Variants in MS4A6E observed in about 807,000 individuals in gnomAD.
MS4A6E encodes the protein membrane spanning 4-domains A6E, also known as membrane-spanning 4-domains subfamily A member 6E.
In MS4A6E, 8 loss-of-function variants were observed where a neutral mutation model predicts 13.2. The ratio of observed to expected loss-of-function variants is 0.60; its 90% confidence interval spans 0.35 to 1.09. The LOEUF is 1.09. MS4A6E is among the 50% of genes least tolerant of loss of function. The pLI, the probability that MS4A6E is intolerant of heterozygous loss-of-function variation, is 0.02. For synonymous variants in MS4A6E, 72 were observed against 67.6 expected, an observed-to-expected ratio of 1.06 and a Z score of -0.32; for missense variants, 177 against 171.1, an observed-to-expected ratio of 1.03 and a Z score of -0.19.
chr11:60,340,012 C>A, intron 4 of MS4A6E, 48 bp downstream of exon 4: 1 of 1,604,460 alleles, frequency 6.2e-7, no homozygotes, highest in Non-Finnish European at 8.5e-7. Flanking sequence ...TGTATCTTAT[C>A]TCTGCACTGT....
At chr11:60,330,930 T>C (rs982329393) in intron 1 of MS4A6E, among the ~76,000 whole-genome samples, 1 of 152,170 alleles carries the variant, frequency 6.6e-6, no homozygotes, top group African/African-American at 2.4e-5. Flanking sequence ...TGGCTGTAAA[T>C]GTGTGGTGTT....
chr11:60,337,948 G>C lies in MS4A6E; in HGVS notation c.354+1G>C. Reference sequence around the variant, plus strand: ...CCATAGAGCCAAAGCCAGTCTGGCTGTAAGTATTTTTTAGATGGGATGTTC... The same window carrying C: ...CCATAGAGCCAAAGCCAGTCTGGCTCTAAGTATTTTTTAGATGGGATGTTC... On this transcript the variant is annotated splice_donor_variant, in intron 3 of 4. Transcript: ENST00000684409. LOFTEE classifies it high-confidence loss of function. 3 of 1,613,002 alleles carry C rather than the reference G, an allele frequency of 1.9e-6. No homozygotes were observed. Among genetic ancestry groups the C allele is most frequent in the South Asian group, 1.1e-5 (1 of 90,962 alleles).
At position 60,327,306 on chromosome 11, in the gene MS4A6E, G is replaced by A. The variant is rs544719045; in HGVS notation, c.-117G>A. Among the ~76,000 whole-genome samples the A allele has an allele frequency of 6.6e-6, 1 of 152,278 alleles. No homozygotes were observed. The highest frequency in any genetic ancestry group is 2.4e-5 in the African/African-American group (1 of 41,548). On this transcript the variant is annotated 5_prime_UTR_variant, in exon 1 of 5. Transcript: ENST00000684409. ...TGTGAGGACACAGTTTGTCCTATCT[G>A]GAAGATGCAGCAACAAGATACCATC...
intron 4 of MS4A6E, among the ~76,000 whole-genome samples, chr11:60,348,676 C>T (rs1159255190): frequency 1.3e-5 from 2 of 152,210 alleles, no homozygotes; most frequent in Non-Finnish European, 2.9e-5. Flanking sequence ...TCCTCATTTG[C>T]TCCAAAACCT....
At chr11:60,338,406 A>C (rs2085202990) in intron 3 of MS4A6E, 1 of 168,500 alleles carries the variant, frequency 5.9e-6, no homozygotes. Context: ...GAAACAGAGA[A>C]TAGGAAATAT....
chr11:60,337,594 A>T (rs1305792475), intron 2 of MS4A6E, 147 bp from the exon 3 acceptor site: 2 of 910,492 alleles, frequency 2.2e-6, no homozygotes, highest in East Asian at 5.2e-5. Context: ...TTGGCTGGAC[A>T]CTGGAGAGGC....
chr11:60,339,905 T>A lies in MS4A6E; in HGVS notation c.394T>A (p.Phe132Ile), dbSNP rs776046069. The change falls in exon 4 of 5, where the codon TTC (phenylalanine) becomes ATC (isoleucine). Residue 132 changes from phenylalanine to isoleucine, a missense_variant. Physicochemically the swap from Phe to Ile is conservative, Grantham distance 21 (BLOSUM62 0). Transcript: ENST00000684409. ...GATGCTGGTTTCTACTGTGTTGGAG[T>A]TCTGCCTAGCTGTGCTCACTGCTGT... ...SLMLVSTVLEFCLAVLTAVLQ... is the reference protein window; with the variant it reads ...SLMLVSTVLEICLAVLTAVLQ... 120 of 1,613,820 alleles carry A rather than the reference T, an allele frequency of 7.4e-5. No individual in the cohort carries two copies. The highest frequency in any genetic ancestry group is 9.3e-5 in the Non-Finnish European group (110 of 1,179,844).
intron 2 of MS4A6E, chr11:60,335,733 G>C (rs2085184891): frequency 1.7e-5 from 6 of 358,670 alleles, no homozygotes; most frequent in Admixed American, 7.5e-5. Context: ...GTTTCTATGA[G>C]GCTCAGGTGA....
chr11:60,328,316 T>C (rs1040075564), intron 1 of MS4A6E, among the ~76,000 whole-genome samples: 5 of 152,086 alleles, frequency 3.3e-5, no homozygotes, highest in African/African-American at 9.7e-5. Flanking sequence ...CATGTGAAGA[T>C]AAAAGGCTGT....
chr11:60,327,623 C>A (rs983529297), intron 1 of MS4A6E, among the ~76,000 whole-genome samples: 1 of 152,084 alleles, frequency 6.6e-6, no homozygotes, highest in Admixed American at 6.5e-5. Flanking sequence ...GAGCTGTAGA[C>A]AGAACCTCAG....
At chr11:60,338,062 G>A (rs928337136) in intron 3 of MS4A6E, 115 bp downstream of exon 3, 3 of 1,002,360 alleles carry the variant, frequency 3.0e-6, no homozygotes, top group African/African-American at 1.6e-5. Context: ...GCATCTGGAG[G>A]AAGGCCAAGG....
At chr11:60,342,191 GAGAGAGAGA>G (rs1235416588), downstream of MS4A6E, among the ~76,000 whole-genome samples, 13 of 83,470 alleles carry the variant, frequency 1.6e-4, no homozygotes, top group African/African-American at 6.7e-4. Context: ...GAGAGAGAGA[GAGAGAGAGA>G]GGGGGGGGGA....
chr11:60,327,276 C>T lies in MS4A6E; in HGVS notation c.-147C>T, dbSNP rs183128179. ...GACTATTTCACCCTTCCATTCATTC[C>T]ACCATGTGAGGACACAGTTTGTCCT... is the stretch of plus-strand genomic sequence containing the variant. On this transcript the variant is annotated 5_prime_UTR_variant, in exon 1 of 5. Coordinates refer to ENST00000684409, the MANE Select transcript of MS4A6E (RefSeq NM_139249.4). Among the ~76,000 whole-genome samples, 3 of 152,302 alleles carry T rather than the reference C, an allele frequency of 2.0e-5. No individual in the cohort carries two copies. Among genetic ancestry groups the T allele is most frequent in the Non-Finnish European group, 4.4e-5 (3 of 68,032 alleles).
chr11:60,337,850 A>C lies in MS4A6E; in HGVS notation c.257A>C (p.Lys86Thr). The change falls in exon 3 of 5, where the codon AAG becomes ACG. Residue 86 changes from lysine (K) to threonine (T), a missense_variant. Physicochemically the swap from Lys to Thr is moderately conservative, Grantham distance 78. Coordinates refer to ENST00000684409, the MANE Select transcript of MS4A6E (RefSeq NM_139249.4). ...AALNPASLQC[K>T]LDEKDIPTRL... is the part of the protein sequence containing the mutation. The stretch of plus-strand genomic sequence containing the variant: ...TTAAATCCTGCCTCATTGCAGTGTA[A>C]GTTGGACGAAAAGGATATACCAACC... The C allele has an allele frequency of 6.2e-7, 1 of 1,614,164 alleles. No individual in the cohort carries two copies. Among genetic ancestry groups the C allele is most frequent in the Non-Finnish European group, 8.5e-7 (1 of 1,180,042 alleles).
At chr11:60,328,498 T>C (rs2085133816) in intron 1 of MS4A6E, among the ~76,000 whole-genome samples, 1 of 151,488 alleles carries the variant, frequency 6.6e-6, no homozygotes, top group Admixed American at 6.6e-5. Context: ...TAAGTTTTTA[T>C]TGACAGATGA....
intron 1 of MS4A6E, among the ~76,000 whole-genome samples, chr11:60,330,292 G>T (rs1256065222): frequency 7.8e-6 from 1 of 127,742 alleles, no homozygotes; most frequent in Non-Finnish European, 1.8e-5. Context: ...TTGCTGTGTA[G>T]AAGCTCTTTT....
chr11:60,342,144 A>T (rs868608201), downstream of MS4A6E, among the ~76,000 whole-genome samples: 2 of 125,412 alleles, frequency 1.6e-5, no homozygotes, highest in African/African-American at 6.4e-5. Flanking sequence ...AGGATAAACA[A>T]GTGTGTGTGT....
At chr11:60,330,435 G>C (rs1264402008) in intron 1 of MS4A6E, among the ~76,000 whole-genome samples, 1 of 137,144 alleles carries the variant, frequency 7.3e-6, no homozygotes, top group Non-Finnish European at 1.5e-5. Context: ...TCCGCCTCCC[G>C]GGTTCACACC....
chr11:60,339,403 C>T (rs1041912696), intron 3 of MS4A6E, among the ~76,000 whole-genome samples: 4 of 152,176 alleles, frequency 2.6e-5, no homozygotes, highest in South Asian at 2.1e-4. Flanking sequence ...CCTCACAAAT[C>T]TCTGAGAAAT....
Sources: allele counts gnomAD v4.1 joint callset (sites outside exome capture counted in the v4.1 genomes callset), GRCh38; gene constraint gnomAD v4.1.1; transcripts MANE v1.5; gene names NCBI Gene and HGNC (gene_info 2026-07-23, HGNC 2026-07-21).